Variants in XPO5 observed in about 807,000 individuals in gnomAD.
The protein encoded by XPO5 is exportin-5.
Under a neutral mutation model 160.6 loss-of-function variants are expected in XPO5, and 46 were observed. The ratio of observed to expected loss-of-function variants is 0.29; its 90% confidence interval spans 0.23 to 0.37. The LOEUF is 0.37. Ranked by LOEUF, XPO5 falls within the 10% of genes least tolerant of loss-of-function variation. The probability of loss-of-function intolerance (pLI) is 1.00; values close to 1 mark genes in which losing one functional copy is unlikely to be tolerated. For missense variants in XPO5, 1,090 were observed against 1,463.9 expected (o/e 0.74, Z 4.17); for synonymous variants, 537 against 519.3 (o/e 1.03, Z -0.46).
intron 11 of XPO5, among the ~76,000 whole-genome samples, chr6:43,559,813 G>A (rs917635934): frequency 6.6e-6 from 1 of 152,114 alleles, no homozygotes; most frequent in Non-Finnish European, 1.5e-5. Context: ...ATGCCAATCA[G>A]TCTTTTTTAT....
At chr6:43,536,854 A>T (rs1205489259) in intron 20 of XPO5, among the ~76,000 whole-genome samples, 1 of 149,778 alleles carries the variant, frequency 6.7e-6, no homozygotes, top group Non-Finnish European at 1.5e-5. Context: ...GGCTGGTAGG[A>T]ATCTAATTGT....
Position 43,548,409 on chromosome 6 carries a change from G to A in XPO5, c.1912C>T (p.Leu638=), listed in dbSNP as rs1370578430. The A allele has an allele frequency of 6.2e-7, 1 of 1,608,054 alleles. No individual in the cohort carries two copies. The highest frequency in any genetic ancestry group is 1.7e-5 in the Admixed American group (1 of 59,834). The stretch of plus-strand genomic sequence containing the variant: ...CACTTCTCCATTTGTGTCAGGAGTA[G>A]CTCATTGGAGAGGAGTTGCTTCACA... ...NHVKQLLSNE[L]LLTQMEKCAL... The change falls in exon 18 of 32, where the codon CTA becomes TTA. Residue 638 remains leucine (L), a synonymous_variant. Transcript: ENST00000265351.
chr6:43,535,625 A>G (rs953398574), intron 20 of XPO5, among the ~76,000 whole-genome samples: 1 of 150,298 alleles, frequency 6.7e-6, no homozygotes, highest in Non-Finnish European at 1.5e-5. Context: ...CCTGGGTAAC[A>G]TGGTGAAACC....
At chr6:43,524,659 A>C in intron 30 of XPO5, 24 bp from the exon 31 acceptor site, 1 of 1,609,560 alleles carries the variant, frequency 6.2e-7, no homozygotes, top group Non-Finnish European at 8.5e-7. Flanking sequence ...GGATAAACTT[A>C]CTGGATGTAG....
rs1331922941 is a variant in XPO5 at position 43,558,568 on chromosome 6, G to C, written c.1245C>G (p.Asp415Glu). The stretch of plus-strand genomic sequence containing the variant: ...ACCGAGAATATTCACAGCTAGGGCT[G>C]TCTGTTTTAGAAGGAAAGCCCATCT... ...LVKMGFPSKT[D>E]SPSCEYSRFD... The change falls in exon 12 of 32, where the codon GAC (aspartate) becomes GAG (glutamate). Residue 415 changes from aspartate to glutamate, a missense_variant. By Grantham distance (45) the Asp-to-Glu change is conservative. Transcript: ENST00000265351. The C allele has an allele frequency of 3.1e-6, 5 of 1,597,514 alleles. No homozygotes were observed. The highest frequency in any genetic ancestry group is 3.4e-6 in the Non-Finnish European group (4 of 1,172,506).
At chr6:43,542,478 CA>C (rs1046178560) in intron 20 of XPO5, among the ~76,000 whole-genome samples, 14 of 152,018 alleles carry the variant, frequency 9.2e-5, no homozygotes, top group Admixed American at 4.6e-4. Context: ...AACATGATCT[CA>C]GCTCACTGCA....
chr6:43,575,838 C>G lies in XPO5; in HGVS notation c.27G>C (p.Leu9=), dbSNP rs751168630. 3.7e-6 allele frequency: 6 copies of G among 1,613,836 alleles called. No homozygotes were observed. Among genetic ancestry groups the G allele is most frequent in the Non-Finnish European group, 4.2e-6 (5 of 1,179,784 alleles). The change falls in exon 1 of 32, where the codon CTG becomes CTC. Residue 9 remains leucine (L), a synonymous_variant. Transcript: ENST00000265351. ...TCACCGCTTTCACCAGCTGCTCGCA[C>G]AGCGCGTTTACTTGATCCATCGCCA... The part of the protein sequence containing the change: MAMDQVNA[L]CEQLVKAVTV...
rs1295013573 is a variant in XPO5, at chr6:43,570,887, T to C, written c.408A>G (p.Leu136=). 2 of 1,613,028 alleles carry C rather than the reference T, an allele frequency of 1.2e-6. No individual in the cohort carries two copies. Among genetic ancestry groups the C allele is most frequent in the Non-Finnish European group, 1.7e-6 (2 of 1,179,658 alleles). ...GTTTGGAAAGAGTGTCCAATTCTAT[T>C]AGCATGTCAGGCCAATGCTGTGGCC... is the stretch of plus-strand genomic sequence containing the variant. ...REWPQHWPDM[L]IELDTLSKQG... is the part of the protein sequence containing the mutation. Residue 136 remains leucine, a synonymous_variant, in exon 4 of 32, where the codon CTA becomes CTG. Coordinates refer to ENST00000265351, the MANE Select transcript of XPO5 (RefSeq NM_020750.3).
At chr6:43,529,733 A>G (rs1254521851) in intron 23 of XPO5, 1 of 158,750 alleles carries the variant, frequency 6.3e-6, no homozygotes, top group Non-Finnish European at 1.4e-5. Context: ...CACCCTGGGG[A>G]ACATAATACA....
intron 17 of XPO5, 112 bp downstream of exon 17, chr6:43,549,377 T>C: frequency 9.2e-7 from 1 of 1,082,076 alleles, no homozygotes; most frequent in Non-Finnish European, 1.3e-6. Flanking sequence ...GATGCTTATA[T>C]GATGCAAAGC....
At chr6:43,524,695 T>C (rs994025160) in intron 30 of XPO5, 60 bp from the exon 31 acceptor site, 109 of 1,593,354 alleles carry the variant, frequency 6.8e-5, no homozygotes, top group Non-Finnish European at 9.1e-5. Flanking sequence ...CCCTCCCCAT[T>C]TCCTGCCACA....
chr6:43,527,104 T>C (rs1793645379), intron 26 of XPO5: 1 of 243,222 alleles, frequency 4.1e-6, no homozygotes, highest in Non-Finnish European at 8.2e-6. Context: ...ATTTAAAACA[T>C]TTCCCTATTT....
At chr6:43,529,909 CAAAAAAAAAA>C (rs1191727799) in intron 23 of XPO5, among the ~76,000 whole-genome samples, 1 of 97,562 alleles carries the variant, frequency 1.0e-5, no homozygotes, top group Non-Finnish European at 2.1e-5. Context: ...GACCCTGTCT[CAAAAAAAAAA>C]AAAAAAAAGT....
rs1411957188 is a variant in XPO5, at chr6:43,567,339, G to C, written c.664C>G (p.Arg222Gly). The part of the protein sequence containing the change: ...SQESKAQANC[R>G]VGVAALNTLA... The stretch of plus-strand genomic sequence containing the variant: ...GTATTCAGTGCTGCAACTCCTACTC[G>C]ACAGTTTGCTTGCGCCTACCAGAAA... The change falls in exon 7 of 32, where the codon CGA (arginine) becomes GGA (glycine). Residue 222 changes from arginine to glycine, a missense_variant. Transcript: ENST00000265351. 6.2e-7 allele frequency: 1 copy of C among 1,605,900 alleles called. No individual in the cohort carries two copies. The highest frequency in any genetic ancestry group is 1.1e-5 in the South Asian group (1 of 89,338).
chr6:43,571,639 T>C lies in XPO5; in HGVS notation c.301-645A>G, dbSNP rs559849463. Among the ~76,000 whole-genome samples, 137 of 152,174 alleles carry C rather than the reference T, an allele frequency of 9.0e-4. 1 individual carries two copies. The highest frequency in any genetic ancestry group is 3.2e-3 in the African/African-American group (131 of 41,512). ...GGGAAACACAGTGAGACCCTGTCTC[T>C]CTAAAAACCAAAAACAAAATTAGCT... On this transcript the variant is annotated intron_variant, in intron 3 of 31. Transcript: ENST00000265351.
chr6:43,555,936 C>T lies in XPO5; in HGVS notation c.1341G>A (p.Met447Ile). The T allele has an allele frequency of 1.9e-6, 3 of 1,613,982 alleles. No individual in the cohort carries two copies. Among genetic ancestry groups the T allele is most frequent in the Non-Finnish European group, 2.5e-6 (3 of 1,179,888 alleles). Reference protein sequence around the residue: ...NSSRAQQGEVMRLACRLDPKT... With the variant: ...NSSRAQQGEVIRLACRLDPKT... ...TGGGATCCAAACGACATGCCAACCTCATCACCTCTCCTTGTTGTGCTCGGG... is the reference window on the plus strand; with the variant it reads ...TGGGATCCAAACGACATGCCAACCTTATCACCTCTCCTTGTTGTGCTCGGG... The change falls in exon 13 of 32, where the codon ATG (methionine) becomes ATA (isoleucine). Residue 447 changes from methionine (M) to isoleucine (I), a missense_variant. Coordinates refer to ENST00000265351, the MANE Select transcript of XPO5 (RefSeq NM_020750.3).
intron 6 of XPO5, among the ~76,000 whole-genome samples, chr6:43,568,462 T>C (rs1231202176): frequency 6.6e-6 from 1 of 152,012 alleles, no homozygotes; most frequent in East Asian, 1.9e-4. Context: ...AAGTATTAGC[T>C]GGGCATGGTG....
chr6:43,542,345 C>G (rs1794738372), intron 20 of XPO5, among the ~76,000 whole-genome samples: 1 of 152,102 alleles, frequency 6.6e-6, no homozygotes, highest in Non-Finnish European at 1.5e-5. Context: ...GCAGGAGGTG[C>G]TATGAATACC....
At chr6:43,538,139 CTTTTTTTTTTTTTTTTT>C in intron 20 of XPO5, among the ~76,000 whole-genome samples, 1 of 48,920 alleles carries the variant, frequency 2.0e-5, no homozygotes, top group Non-Finnish European at 3.4e-5. Context: ...TAAGAGACAT[CTTTTTTTTTTTTTTTTT>C]TTTTTTTTTT....
Sources: gnomAD v4.1 joint callset for allele counts (sites outside exome capture counted in the v4.1 genomes callset) on GRCh38, gnomAD v4.1.1 for gene constraint, MANE v1.5 for transcripts, NCBI Gene and HGNC (gene_info 2026-07-23, HGNC 2026-07-21) for gene names.